Variants in ZCWPW2 observed in about 807,000 individuals in gnomAD.
The protein encoded by ZCWPW2 is zinc finger CW-type and PWWP domain containing 2.
In ZCWPW2, 45 loss-of-function variants were observed where a neutral mutation model predicts 46.6. That is an observed-to-expected ratio of 0.96 (90% CI 0.76 to 1.24). The LOEUF (loss-of-function observed/expected upper bound fraction) is 1.24, where lower values mean the gene tolerates loss of function less well. Ranked by LOEUF, ZCWPW2 falls within the 50% of genes most tolerant of loss-of-function variation. The pLI is 0.00. For missense variants in ZCWPW2, 429 were observed against 403.9 expected (o/e 1.06, Z -0.53); for synonymous variants, 152 against 137.1 (o/e 1.11, Z -0.76).
At chr3:28,402,337 A>G (rs1396927608) in intron 2 of ZCWPW2, among the ~76,000 whole-genome samples, 2 of 152,134 alleles carry the variant, frequency 1.3e-5, no homozygotes, top group African/African-American at 4.8e-5. Context: ...AGAGATGGAA[A>G]AATTCCTGGA....
intron 3 of ZCWPW2, among the ~76,000 whole-genome samples, chr3:28,433,264 T>C (rs533239041): frequency 1.3e-5 from 2 of 152,312 alleles, no homozygotes; most frequent in East Asian, 3.9e-4. Context: ...CCTTTTCTTT[T>C]TTTCCTTTCT....
intron 4 of ZCWPW2, among the ~76,000 whole-genome samples, chr3:28,458,261 G>A (rs993936235): frequency 3.3e-5 from 5 of 152,142 alleles, no homozygotes; most frequent in Admixed American, 2.0e-4. Flanking sequence ...TGTAAAATGA[G>A]GATTCTAGTG....
chr3:28,502,680 C>T (rs1377656199), intron 6 of ZCWPW2, among the ~76,000 whole-genome samples: 1 of 152,084 alleles, frequency 6.6e-6, no homozygotes, highest in African/African-American at 2.4e-5. Context: ...TGTTGGCTAG[C>T]AACTAGCTAT....
At chr3:28,439,037 T>C (rs1697610609) in intron 4 of ZCWPW2, among the ~76,000 whole-genome samples, 1 of 558 alleles carries the variant, frequency 1.8e-3, no homozygotes, top group African/African-American at 0.01. Context: ...TATATCCTAG[T>C]ATATATCTAT....
At chr3:28,381,516 T>G (rs1332024382) in intron 1 of ZCWPW2, among the ~76,000 whole-genome samples, 2 of 152,148 alleles carry the variant, frequency 1.3e-5, no homozygotes, top group Non-Finnish European at 2.9e-5. Flanking sequence ...AAAGTCTGCA[T>G]GTAAGTGGAC....
chr3:28,468,431 T>C (rs190691514), intron 4 of ZCWPW2, among the ~76,000 whole-genome samples: 66 of 152,110 alleles, frequency 4.3e-4, no homozygotes, highest in African/African-American at 1.5e-3. Flanking sequence ...TTCCCAAACA[T>C]AGAGAAAGAT....
rs1700842573 is a variant in ZCWPW2, at chr3:28,526,265, T to G, written c.*1577T>G. Among the ~76,000 whole-genome samples, 1 of 152,174 alleles carries G rather than the reference T, an allele frequency of 6.6e-6. No individual in the cohort carries two copies. Among genetic ancestry groups the G allele is most frequent in the Non-Finnish European group, 1.5e-5 (1 of 68,022 alleles). ...ATAAAATGTAACTATACATTTGAAA[T>G]GATCAGTTTTCTTTCTGTTATATCA... On this transcript the variant is annotated 3_prime_UTR_variant, in exon 10 of 10. Coordinates refer to ENST00000383768, the MANE Select transcript of ZCWPW2 (RefSeq NM_001040432.4).
chr3:28,505,875 A>C (rs1205648965), intron 6 of ZCWPW2, among the ~76,000 whole-genome samples: 1 of 151,954 alleles, frequency 6.6e-6, no homozygotes, highest in Non-Finnish European at 1.5e-5. Flanking sequence ...AAGAACTAAC[A>C]GACTCATTCT....
intron 6 of ZCWPW2, among the ~76,000 whole-genome samples, chr3:28,507,782 A>G (rs972924215): frequency 6.6e-6 from 1 of 152,062 alleles, no homozygotes; most frequent in African/African-American, 2.4e-5. Context: ...TATTAGGCCT[A>G]TTATTTTTGT....
At chr3:28,386,628 T>C (rs1415075012) in intron 1 of ZCWPW2, among the ~76,000 whole-genome samples, 1 of 152,174 alleles carries the variant, frequency 6.6e-6, no homozygotes, top group Non-Finnish European at 1.5e-5. Context: ...ATTTTGATGG[T>C]CAAATTTAAA....
At chr3:28,384,708 G>A (rs990473339) in intron 1 of ZCWPW2, among the ~76,000 whole-genome samples, 1 of 151,534 alleles carries the variant, frequency 6.6e-6, no homozygotes, top group African/African-American at 2.4e-5. Context: ...CATCTCCTGG[G>A]TTCAAGCAAT....
chr3:28,464,022 G>A lies in ZCWPW2; in HGVS notation c.493-14792G>A, dbSNP rs141120134. On this transcript the variant is annotated intron_variant, in intron 4 of 9. Coordinates refer to ENST00000383768, the MANE Select transcript of ZCWPW2 (RefSeq NM_001040432.4). Reference sequence around the variant, plus strand: ...GGAAAATTTTGGGGGAGGAAATTTTGGTATATTGTGGCATTTTCTCTATAC... The same window carrying A: ...GGAAAATTTTGGGGGAGGAAATTTTAGTATATTGTGGCATTTTCTCTATAC... 2.5e-3 allele frequency among the ~76,000 whole-genome samples: 385 copies of A among 152,036 alleles called. 1 individual carries two copies. The highest frequency in any genetic ancestry group is 8.4e-3 in the African/African-American group (349 of 41,484).
At chr3:28,396,428 C>A (rs889105222) in intron 2 of ZCWPW2, among the ~76,000 whole-genome samples, 2 of 152,058 alleles carry the variant, frequency 1.3e-5, no homozygotes, top group African/African-American at 4.8e-5. Flanking sequence ...TTAAAAATGG[C>A]ATTATGTGAA....
At chr3:28,370,153 C>A (rs1705272569) in intron 1 of ZCWPW2, among the ~76,000 whole-genome samples, 1 of 152,214 alleles carries the variant, frequency 6.6e-6, no homozygotes, top group South Asian at 2.1e-4. Flanking sequence ...TGGTGCGCTG[C>A]ACCCACTGTC....
intron 3 of ZCWPW2, among the ~76,000 whole-genome samples, chr3:28,431,226 G>A (rs1697243293): frequency 1.3e-5 from 2 of 151,960 alleles, no homozygotes; most frequent in African/African-American, 2.4e-5. Flanking sequence ...ATATATCTTT[G>A]TATCATTTTT....
intron 2 of ZCWPW2, among the ~76,000 whole-genome samples, chr3:28,399,142 G>T (rs980109661): frequency 6.6e-6 from 1 of 152,074 alleles, no homozygotes; most frequent in Admixed American, 6.5e-5. Context: ...TTGGCAGCTG[G>T]GTGAGGCCTG....
At chr3:28,518,006 C>T (rs1013981774) in intron 8 of ZCWPW2, among the ~76,000 whole-genome samples, 9 of 151,636 alleles carry the variant, frequency 5.9e-5, no homozygotes, top group Non-Finnish European at 4.4e-5. Context: ...TGTGGTGGTA[C>T]GTGCCTGTAG....
chr3:28,440,343 A>G (rs960851466), intron 4 of ZCWPW2, among the ~76,000 whole-genome samples: 5 of 152,184 alleles, frequency 3.3e-5, no homozygotes, highest in African/African-American at 1.2e-4. Flanking sequence ...CTCTTGAACT[A>G]AGACCTCTAG....
intron 4 of ZCWPW2, among the ~76,000 whole-genome samples, chr3:28,447,037 A>G (rs1253533150): frequency 6.6e-6 from 1 of 152,158 alleles, no homozygotes; most frequent in Non-Finnish European, 1.5e-5. Context: ...TCTCCCAACA[A>G]TAAAGAATCT....
Sources: allele counts gnomAD v4.1 joint callset (sites outside exome capture counted in the v4.1 genomes callset), GRCh38; gene constraint gnomAD v4.1.1; transcripts MANE v1.5; gene names NCBI Gene and HGNC (gene_info 2026-07-23, HGNC 2026-07-21).